CNTN4: variants seen among roughly 807,000 people sequenced by gnomAD.
The protein encoded by CNTN4 is contactin-4.
A neutral mutation model predicts 122.5 loss-of-function variants in CNTN4; 77 were observed. The ratio of observed to expected loss-of-function variants is 0.63; its 90% confidence interval spans 0.52 to 0.76. CNTN4 has a LOEUF of 0.76. Among genes scored for constraint, CNTN4 ranks in the 30% least tolerant of loss-of-function variants. The pLI is 0.00. For synonymous variants in CNTN4, 512 were observed against 447.0 expected, an observed-to-expected ratio of 1.15 and a Z score of -1.83; for missense variants, 1,256 against 1,259.1, an observed-to-expected ratio of 1.00 and a Z score of 0.04.
At chr3:2,299,722 A>G (rs1330627528) in intron 2 of CNTN4, among the ~76,000 whole-genome samples, 2 of 152,182 alleles carry the variant, frequency 1.3e-5, no homozygotes, top group Non-Finnish European at 2.9e-5. Flanking sequence ...ATTTGTGTTT[A>G]AAAACTTGAT....
At chr3:2,745,866 A>T (rs1361253536) in intron 6 of CNTN4, among the ~76,000 whole-genome samples, 169 bp downstream of exon 6, 1 of 152,240 alleles carries the variant, frequency 6.6e-6, no homozygotes, top group African/African-American at 2.4e-5. Flanking sequence ...GATAAACTGT[A>T]AATCTAAGTG....
At chr3:2,476,214 C>G (rs2075829792) in intron 3 of CNTN4, among the ~76,000 whole-genome samples, 1 of 152,158 alleles carries the variant, frequency 6.6e-6, no homozygotes, top group South Asian at 2.1e-4. Flanking sequence ...ATGAGTAGTT[C>G]AGGTGATTTT....
intron 3 of CNTN4, among the ~76,000 whole-genome samples, chr3:2,539,809 T>A (rs1423679592): frequency 5.9e-5 from 9 of 152,092 alleles, no homozygotes. Context: ...AAATGGCATT[T>A]TTTTCCCTTA....
intron 3 of CNTN4, among the ~76,000 whole-genome samples, chr3:2,431,791 G>C (rs1458021591): frequency 6.6e-6 from 1 of 152,192 alleles, no homozygotes; most frequent in South Asian, 2.1e-4. Context: ...TTTCTGGTCA[G>C]TGAAGTTTTC....
chr3:3,006,713 G>C (rs1696687015), intron 14 of CNTN4, among the ~76,000 whole-genome samples: 1 of 152,140 alleles, frequency 6.6e-6, no homozygotes, highest in Non-Finnish European at 1.5e-5. Context: ...ATGGGCTTTG[G>C]TGTCTGCCAG....
At chr3:2,294,131 C>T (rs918360478) in intron 2 of CNTN4, among the ~76,000 whole-genome samples, 5 of 152,198 alleles carry the variant, frequency 3.3e-5, no homozygotes, top group African/African-American at 7.2e-5. Flanking sequence ...GAAGCAAGGT[C>T]TCTGGAGGCC....
chr3:2,990,617 A>G (rs1026490817), intron 14 of CNTN4, among the ~76,000 whole-genome samples: 1 of 152,226 alleles, frequency 6.6e-6, no homozygotes, highest in Non-Finnish European at 1.5e-5. Flanking sequence ...CACAAGCCCC[A>G]GGACAAAACC....
chr3:2,809,826 G>A (rs2092561860), intron 6 of CNTN4, among the ~76,000 whole-genome samples: 1 of 152,154 alleles, frequency 6.6e-6, no homozygotes, highest in South Asian at 2.1e-4. Flanking sequence ...GGGAAACTCA[G>A]ACATTTTAAA....
At chr3:2,779,309 C>G (rs917635025) in intron 6 of CNTN4, among the ~76,000 whole-genome samples, 1 of 152,088 alleles carries the variant, frequency 6.6e-6, no homozygotes, top group Non-Finnish European at 1.5e-5. Flanking sequence ...CTCTGTCGCC[C>G]AGGCTTGAGT....
At chr3:2,872,408 T>G (rs1028258376) in intron 8 of CNTN4, among the ~76,000 whole-genome samples, 36 of 152,100 alleles carry the variant, frequency 2.4e-4, no homozygotes, top group Admixed American at 1.6e-3. Flanking sequence ...AGCCTTTGCC[T>G]TTTTTTCTGT....
chr3:2,867,985 A>G (rs2093742987), intron 8 of CNTN4, among the ~76,000 whole-genome samples: 2 of 152,156 alleles, frequency 1.3e-5, no homozygotes, highest in Admixed American at 1.3e-4. Context: ...AAGCCCTTCA[A>G]CAAGGGCTGA....
chr3:2,547,756 C>G (rs979249043), intron 3 of CNTN4, among the ~76,000 whole-genome samples: 1 of 152,126 alleles, frequency 6.6e-6, no homozygotes, highest in Non-Finnish European at 1.5e-5. Flanking sequence ...AGTTTTACAT[C>G]TAGAGAACCA....
At chr3:2,964,656 A>G (rs933030914) in intron 13 of CNTN4, among the ~76,000 whole-genome samples, 1 of 152,240 alleles carries the variant, frequency 6.6e-6, no homozygotes, top group Non-Finnish European at 1.5e-5. Flanking sequence ...GGAACTAGAT[A>G]ACCCTGGATA....
chr3:2,444,892 G>T (rs1474693212), intron 3 of CNTN4, among the ~76,000 whole-genome samples: 1 of 151,576 alleles, frequency 6.6e-6, no homozygotes, highest in African/African-American at 2.4e-5. Context: ...TATTGCATTT[G>T]TACCCCTTGA....
intron 2 of CNTN4, among the ~76,000 whole-genome samples, chr3:2,153,993 T>A (rs1035450156): frequency 2.6e-5 from 4 of 152,226 alleles, no homozygotes; most frequent in African/African-American, 9.7e-5. Flanking sequence ...TACCTTATCT[T>A]ATATAAATCA....
At chr3:2,748,849 A>G (rs773451626) in intron 6 of CNTN4, among the ~76,000 whole-genome samples, 2 of 152,316 alleles carry the variant, frequency 1.3e-5, no homozygotes, top group Middle Eastern at 3.4e-3. Flanking sequence ...TATGCCTTCT[A>G]CTGTACTTAG....
intron 4 of CNTN4, among the ~76,000 whole-genome samples, chr3:2,595,340 T>G (rs2080717968): frequency 6.6e-6 from 1 of 152,200 alleles, no homozygotes; most frequent in Admixed American, 6.5e-5. Context: ...ATTAATAGAC[T>G]TCAGGAAAAA....
chr3:2,971,138 A>G (rs1692875436), intron 13 of CNTN4, among the ~76,000 whole-genome samples: 1 of 152,216 alleles, frequency 6.6e-6, no homozygotes, highest in Non-Finnish European at 1.5e-5. Flanking sequence ...GAAAATTATA[A>G]GGAAGAGAAG....
chr3:2,935,343 A>G (rs568467285), intron 13 of CNTN4, among the ~76,000 whole-genome samples: 22 of 152,228 alleles, frequency 1.4e-4, no homozygotes, highest in Non-Finnish European at 2.5e-4. Context: ...TTGATTTTCA[A>G]AAAAAAATCT....
Sources: gnomAD v4.1 joint callset for allele counts (sites outside exome capture counted in the v4.1 genomes callset) on GRCh38, gnomAD v4.1.1 for gene constraint, MANE v1.5 for transcripts, NCBI Gene and HGNC (gene_info 2026-07-23, HGNC 2026-07-21) for gene names.